SIK3: variants seen among roughly 807,000 people sequenced by gnomAD.
SIK3 encodes the protein serine/threonine-protein kinase SIK3.
A neutral mutation model predicts 144.2 loss-of-function variants in SIK3; 28 were observed. The observed-to-expected ratio is 0.19, with a 90% CI of 0.14 to 0.27. The LOEUF (loss-of-function observed/expected upper bound fraction) is 0.27, where lower values mean the gene tolerates loss of function less well. SIK3 is among the 10% of genes least tolerant of loss of function. The probability of loss-of-function intolerance (pLI) is 1.00; values close to 1 mark genes in which losing one functional copy is unlikely to be tolerated. For synonymous variants in SIK3, 686 were observed against 676.3 expected, an observed-to-expected ratio of 1.01 and a Z score of -0.22; for missense variants, 1,319 against 1,776.0, an observed-to-expected ratio of 0.74 and a Z score of 4.62.
In SIK3 at chr11:116,980,567, A is replaced by G. The variant is rs574495814; in HGVS notation, c.274-23503T>C. Among the ~76,000 whole-genome samples the G allele has an allele frequency of 3.9e-5, 6 of 152,300 alleles. No homozygotes were observed. The South Asian group carries it at 1.2e-3, about 32-fold the overall frequency. ...ACCATCGTAAAGTTGAAAAATCATA[A>G]TCAGGTCAGCTGAGGTGGCTCATGC... On this transcript the variant is annotated intron_variant, in intron 1 of 24. Coordinates refer to ENST00000445177, the MANE Select transcript of SIK3 (RefSeq NM_001366686.3).
chr11:116,873,350 TG>T, intron 13 of SIK3, 130 bp downstream of exon 13: 2 of 1,236,282 alleles, frequency 1.6e-6, no homozygotes, highest in Non-Finnish European at 2.3e-6. Flanking sequence ...GAAAATGGGC[TG>T]GAGCATCCTA....
intron 1 of SIK3, among the ~76,000 whole-genome samples, chr11:117,085,758 G>A (rs762725033): frequency 3.9e-5 from 6 of 152,092 alleles, no homozygotes; most frequent in Non-Finnish European, 7.3e-5. Flanking sequence ...ACCGAAGCAG[G>A]CGAACTGCCT....
chr11:116,893,863 G>A (rs979827424), intron 6 of SIK3: 5 of 162,782 alleles, frequency 3.1e-5, no homozygotes, highest in African/African-American at 1.2e-4. Flanking sequence ...AAACTGGAAA[G>A]AGCGTGTCGT....
chr11:116,952,057 A>C (rs1013765971), intron 3 of SIK3, among the ~76,000 whole-genome samples: 1 of 152,186 alleles, frequency 6.6e-6, no homozygotes, highest in East Asian at 1.9e-4. Context: ...ACAAACATTA[A>C]GATGACATGA....
chr11:117,058,350 T>C (rs768377372), intron 1 of SIK3, among the ~76,000 whole-genome samples: 1 of 151,962 alleles, frequency 6.6e-6, no homozygotes, highest in East Asian at 1.9e-4. Context: ...TGAAACCCCA[T>C]CTCTGCTAAA....
chr11:117,048,490 C>T (rs1953066334), intron 1 of SIK3, among the ~76,000 whole-genome samples: 1 of 152,004 alleles, frequency 6.6e-6, no homozygotes, highest in African/African-American at 2.4e-5. Context: ...AACCCCATCT[C>T]TGCTAAAAAT....
intron 3 of SIK3, among the ~76,000 whole-genome samples, chr11:116,931,470 A>G (rs571315069): frequency 3.3e-5 from 5 of 152,194 alleles, no homozygotes; most frequent in Non-Finnish European, 7.3e-5. Context: ...TTTCCACTCT[A>G]AACAGACAGT....
At chr11:116,927,829 G>A (rs954124707) in intron 3 of SIK3, among the ~76,000 whole-genome samples, 1 of 152,116 alleles carries the variant, frequency 6.6e-6, no homozygotes, top group African/African-American at 2.4e-5. Context: ...ACAGAAATTC[G>A]TCACTGCTAG....
chr11:117,046,279 G>A (rs1209807487), intron 1 of SIK3, among the ~76,000 whole-genome samples: 2 of 152,150 alleles, frequency 1.3e-5, no homozygotes, highest in Non-Finnish European at 2.9e-5. Flanking sequence ...CTTTATTTAA[G>A]CCAAACCATG....
intron 1 of SIK3, among the ~76,000 whole-genome samples, chr11:117,036,598 C>T (rs1220402689): frequency 2.0e-5 from 3 of 152,192 alleles, no homozygotes; most frequent in Non-Finnish European, 2.9e-5. Context: ...AGACTTTTCT[C>T]CCCAAAGGAA....
intron 1 of SIK3, among the ~76,000 whole-genome samples, chr11:116,997,128 T>C (rs903445580): frequency 6.6e-6 from 1 of 152,192 alleles, no homozygotes; most frequent in African/African-American, 2.4e-5. Flanking sequence ...CCACTGGCCA[T>C]TATTATTAGA....
At chr11:116,881,706 T>A (rs752005671) in intron 6 of SIK3, among the ~76,000 whole-genome samples, 2 of 151,984 alleles carry the variant, frequency 1.3e-5, no homozygotes, top group Non-Finnish European at 2.9e-5. Context: ...GAAAGATACA[T>A]AGAAAAGAGT....
intron 21 of SIK3, 86 bp downstream of exon 21, chr11:116,857,724 G>C (rs1213284709): frequency 2.0e-6 from 3 of 1,508,386 alleles, no homozygotes; most frequent in Non-Finnish European, 2.7e-6. Flanking sequence ...TAGGAACACA[G>C]AATACTAGCT....
intron 1 of SIK3, among the ~76,000 whole-genome samples, chr11:117,040,079 T>C (rs1269065721): frequency 6.6e-6 from 1 of 152,204 alleles, no homozygotes; most frequent in Non-Finnish European, 1.5e-5. Context: ...ATGATAAATG[T>C]CAGCTTTGAA....
intron 1 of SIK3, among the ~76,000 whole-genome samples, chr11:116,996,659 G>A (rs1950676952): frequency 6.6e-6 from 1 of 151,338 alleles, no homozygotes; most frequent in Non-Finnish European, 1.5e-5. Flanking sequence ...ATCTCTACTA[G>A]AAATATGAAA....
chr11:117,030,479 T>C (rs1019298180), intron 1 of SIK3, among the ~76,000 whole-genome samples: 7 of 152,184 alleles, frequency 4.6e-5, no homozygotes, highest in African/African-American at 1.7e-4. Flanking sequence ...ATATTGAGTA[T>C]TGTGAAAAAA....
At chr11:116,883,700 G>A (rs1470543581) in intron 6 of SIK3, among the ~76,000 whole-genome samples, 4 of 152,182 alleles carry the variant, frequency 2.6e-5, no homozygotes, top group Non-Finnish European at 5.9e-5. Flanking sequence ...CTGGGAGCCC[G>A]AGACAGGCAG....
intron 3 of SIK3, among the ~76,000 whole-genome samples, chr11:116,948,267 T>G (rs1309268082): frequency 6.6e-6 from 1 of 151,806 alleles, no homozygotes; most frequent in African/African-American, 2.4e-5. Context: ...GTTCATAATA[T>G]TCCTTTATAA....
intron 4 of SIK3, among the ~76,000 whole-genome samples, chr11:116,924,968 G>A (rs1947194433): frequency 1.3e-5 from 2 of 152,042 alleles, no homozygotes; most frequent in Non-Finnish European, 2.9e-5. Context: ...TGGTAAAAAG[G>A]ACTTGTATTA....
Sources: gnomAD v4.1 joint callset for allele counts (sites outside exome capture counted in the v4.1 genomes callset) on GRCh38, gnomAD v4.1.1 for gene constraint, MANE v1.5 for transcripts, NCBI Gene and HGNC (gene_info 2026-07-23, HGNC 2026-07-21) for gene names.